Variants in TNPO3 observed in about 807,000 individuals in gnomAD.
TNPO3 encodes transportin-3.
A neutral mutation model predicts 122.8 loss-of-function variants in TNPO3; 65 were observed. That is an observed-to-expected ratio of 0.53 (90% CI 0.43 to 0.65). The LOEUF (loss-of-function observed/expected upper bound fraction) is 0.65. TNPO3 is among the 30% of genes least tolerant of loss of function. TNPO3 has a pLI of 0.00. For missense variants in TNPO3, 850 were observed against 1,136.7 expected (o/e 0.75, Z 3.63); for synonymous variants, 372 against 411.2 (o/e 0.90, Z 1.15).
intron 3 of TNPO3, among the ~76,000 whole-genome samples, chr7:129,016,254 C>A (rs1429982006): frequency 3.9e-5 from 6 of 151,962 alleles, no homozygotes; most frequent in African/African-American, 1.5e-4. Context: ...ATTAGCCAGG[C>A]GTAGTAGCAC....
chr7:129,029,919 C>A (rs1053932364), intron 1 of TNPO3: 1 of 152,256 alleles, frequency 6.6e-6, no homozygotes, highest in Non-Finnish European at 1.5e-5. Flanking sequence ...CCCAGCTACT[C>A]GGGAGGCTGA....
chr7:129,018,401 A>G (rs1170828898), intron 1 of TNPO3, among the ~76,000 whole-genome samples: 1 of 152,204 alleles, frequency 6.6e-6, no homozygotes, highest in East Asian at 1.9e-4. Context: ...TTAAATTAGT[A>G]GATACAATCT....
chr7:129,004,393 T>C (rs1216582908), intron 5 of TNPO3, among the ~76,000 whole-genome samples: 5 of 152,202 alleles, frequency 3.3e-5, no homozygotes, highest in Non-Finnish European at 7.4e-5. Flanking sequence ...TGTTCTAAAA[T>C]GTAATCTTAT....
chr7:128,963,016 G>C (rs1797614345), intron 21 of TNPO3, among the ~76,000 whole-genome samples: 1 of 152,154 alleles, frequency 6.6e-6, no homozygotes. Flanking sequence ...TGTGTGGGTG[G>C]CTGCCTTAGA....
intron 4 of TNPO3, among the ~76,000 whole-genome samples, chr7:129,008,128 G>A (rs1052101449): frequency 2.0e-5 from 3 of 151,346 alleles, no homozygotes; most frequent in African/African-American, 4.9e-5. Flanking sequence ...CAGCCTGGGC[G>A]ACAGAGCAAG....
At chr7:129,033,906 CAAAAAAA>C (rs776103730) in intron 1 of TNPO3, among the ~76,000 whole-genome samples, 28 of 72,476 alleles carry the variant, frequency 3.9e-4, no homozygotes, top group African/African-American at 1.4e-3. Context: ...GAGCTAAACT[CAAAAAAA>C]AAAAAAAAAA....
At chr7:129,018,724 C>A (rs1379475893) in intron 1 of TNPO3, among the ~76,000 whole-genome samples, 1 of 152,042 alleles carries the variant, frequency 6.6e-6, no homozygotes, top group Non-Finnish European at 1.5e-5. Context: ...CAATTATTTT[C>A]TTTCTTTTTT....
In TNPO3 at chr7:128,954,671, C is replaced by T. The variant is rs2280714; in HGVS notation, c.*746G>A. On this transcript the variant is annotated 3_prime_UTR_variant, in exon 23 of 23. Transcript: ENST00000265388. ...CATAAATTCTGACCCTGGCAGGTCCCGAGCATCACCAATGTGACCACGATA... is the reference window on the plus strand; with the variant it reads ...CATAAATTCTGACCCTGGCAGGTCCTGAGCATCACCAATGTGACCACGATA... 96,700 of 151,840 alleles carry T rather than the reference C, an allele frequency of 0.64. 31,104 individuals are homozygous for T. Among genetic ancestry groups the T allele is most frequent in the Middle Eastern group, 0.71 (210 of 294 alleles). The allele number at this position is 151,840 out of a possible 1,614,324, so 9.4% of individuals were successfully genotyped here.
rs548765747 is a variant in TNPO3, at chr7:129,040,307, A to G, written c.120+14344T>C. Among the ~76,000 whole-genome samples the G allele has an allele frequency of 2.1e-4, 32 of 152,178 alleles. 1 individual carries two copies. The East Asian group carries it at 4.6e-3, about 22-fold the overall frequency. ...AAACTTGATGGATAAAGAAATCTCT[A>G]TATTAAAAACCATTAAACGGTATAC... On this transcript the variant is annotated intron_variant, in intron 1 of 22. Coordinates refer to ENST00000265388, the MANE Select transcript of TNPO3 (RefSeq NM_012470.4).
rs550122082 is a variant in TNPO3 at position 128,964,390 on chromosome 7, C to CAGTGG, written c.2711+2885_2711+2889dup. On this transcript the variant is annotated intron_variant, in intron 21 of 22. Coordinates refer to ENST00000265388, the MANE Select transcript of TNPO3 (RefSeq NM_012470.4). ...TCGCTCTGTCGCCCAGGCTGGAGTG[C>CAGTGG]AGTGGTGCAATCTCGGCTCACTGCA... Among the ~76,000 whole-genome samples the CAGTGG allele has an allele frequency of 2.7e-3, 373 of 136,092 alleles. 1 individual carries two copies. The Middle Eastern group carries it at 0.031, about 11-fold the overall frequency. 89.3% of individuals were successfully genotyped at this position (136,092 alleles called of 152,430 possible). A position where few individuals can be genotyped will look rare whatever the true frequency, so the allele number is the denominator to read the frequency against.
Position 129,000,416 on chromosome 7 carries a change from G to C in TNPO3, c.1011+13C>G. On this transcript the variant is annotated intron_variant, in intron 7 of 22. Transcript: ENST00000265388. ...CTTGGAGAATAATGGCCTTTGAATAGCATAAACACTACCTCATATTGAGGA... is the reference window on the plus strand; with the variant it reads ...CTTGGAGAATAATGGCCTTTGAATACCATAAACACTACCTCATATTGAGGA... The C allele has an allele frequency of 6.2e-7, 1 of 1,607,568 alleles. No individual in the cohort carries two copies. Among genetic ancestry groups the C allele is most frequent in the Non-Finnish European group, 8.5e-7 (1 of 1,176,118 alleles).
chr7:128,967,407 G>C lies in TNPO3; in HGVS notation c.2599-15C>G. On this transcript the variant is annotated splice_polypyrimidine_tract_variant and intron_variant, in intron 20 of 22. Transcript: ENST00000265388. Reference sequence around the variant, plus strand: ...CGACAAAAAGTCTGTATAGGAAAGAGGGGTAAGAGTTTTAAAAGGAAGCAT... The same window carrying C: ...CGACAAAAAGTCTGTATAGGAAAGACGGGTAAGAGTTTTAAAAGGAAGCAT... 6.4e-7 allele frequency: 1 copy of C among 1,552,330 alleles called. No individual in the cohort carries two copies. Among genetic ancestry groups the C allele is most frequent in the Non-Finnish European group, 8.9e-7 (1 of 1,123,918 alleles).
At chr7:128,957,544 C>A (rs1797017170) in intron 21 of TNPO3, among the ~76,000 whole-genome samples, 1 of 152,168 alleles carries the variant, frequency 6.6e-6, no homozygotes, top group African/African-American at 2.4e-5. Flanking sequence ...ACTCTGGACA[C>A]AAACTGCCCG....
At chr7:129,000,932 G>C in intron 6 of TNPO3, 127 bp downstream of exon 6, 1 of 1,130,968 alleles carries the variant, frequency 8.8e-7, no homozygotes, top group Non-Finnish European at 1.3e-6. Context: ...AGCATCTTTA[G>C]GAAGCACTAT....
At chr7:129,018,467 G>A (rs1051086597) in intron 1 of TNPO3, among the ~76,000 whole-genome samples, 1 of 152,108 alleles carries the variant, frequency 6.6e-6, no homozygotes, top group African/African-American at 2.4e-5. Context: ...TGTCCCAAAA[G>A]TCTCCACTAA....
chr7:129,030,735 A>C (rs1805834123), intron 1 of TNPO3, among the ~76,000 whole-genome samples: 1 of 151,880 alleles, frequency 6.6e-6, no homozygotes, highest in Non-Finnish European at 1.5e-5. Context: ...GGATGTGGCA[A>C]TATGGAAGAC....
chr7:128,955,867 C>G (rs1796850237), intron 22 of TNPO3, among the ~76,000 whole-genome samples: 1 of 152,160 alleles, frequency 6.6e-6, no homozygotes, highest in Non-Finnish European at 1.5e-5. Flanking sequence ...ACTCTGGTAC[C>G]AGAATATCTA....
intron 4 of TNPO3, among the ~76,000 whole-genome samples, chr7:129,010,217 A>C (rs1803033352): frequency 6.6e-6 from 1 of 152,190 alleles, no homozygotes; most frequent in Non-Finnish European, 1.5e-5. Context: ...CCCAGACTGG[A>C]GTGCACTGGC....
chr7:129,041,500 G>A (rs1252955086), intron 1 of TNPO3: 1 of 960,390 alleles, frequency 1.0e-6, no homozygotes, highest in Non-Finnish European at 1.2e-6. Context: ...AGGAAGGGAA[G>A]GAAGAGAATC....
Sources: gnomAD v4.1 joint callset for allele counts (sites outside exome capture counted in the v4.1 genomes callset) on GRCh38, gnomAD v4.1.1 for gene constraint, MANE v1.5 for transcripts, NCBI Gene and HGNC (gene_info 2026-07-23, HGNC 2026-07-21) for gene names.